C1GALT1: variants seen among roughly 807,000 people sequenced by gnomAD.
The protein encoded by C1GALT1 is core 1 synthase, glycoprotein-N-acetylgalactosamine 3-beta-galactosyltransferase 1.
Under a neutral mutation model 31.0 loss-of-function variants are expected in C1GALT1, and 11 were observed. That is an observed-to-expected ratio of 0.36 (90% confidence interval 0.22 to 0.59). The LOEUF is 0.59. Among genes scored for constraint, C1GALT1 ranks in the 20% least tolerant of loss-of-function variants. The probability of loss-of-function intolerance (pLI) is 0.79; values close to 1 mark genes in which losing one functional copy is unlikely to be tolerated. For missense variants in C1GALT1, 424 were observed against 425.2 expected (o/e 1.00, Z 0.03); for synonymous variants, 175 against 143.6 (o/e 1.22, Z -1.56).
chr7:7,209,465 T>C (rs1781893951), intron 1 of C1GALT1: 2 of 152,190 alleles, frequency 1.3e-5, no homozygotes, highest in African/African-American at 4.8e-5. Context: ...ATAGTGTTGA[T>C]AACCTGCACC....
rs114570360 is a variant in C1GALT1 at position 7,240,527 on chromosome 7, C to T, written c.888+1605C>T. On this transcript the variant is annotated intron_variant, in intron 3 of 3. Transcript: ENST00000436587. ...TTTCCTTAATTCTGTATCCTTTTCC[C>T]ATATAAAAAATTTACCCAAATTCAA... is the stretch of plus-strand genomic sequence containing the variant. Among the ~76,000 whole-genome samples the T allele has an allele frequency of 4.6e-3, 703 of 152,138 alleles. 7 individuals are homozygous for T. Among genetic ancestry groups the T allele is most frequent in the African/African-American group, 0.016 (677 of 41,516 alleles).
chr7:7,198,235 A>C (rs184139354), intron 1 of C1GALT1, among the ~76,000 whole-genome samples: 1 of 152,178 alleles, frequency 6.6e-6, no homozygotes, highest in Non-Finnish European at 1.5e-5. Flanking sequence ...GAGAGTTTTT[A>C]GCATGAAGGG....
intron 1 of C1GALT1, among the ~76,000 whole-genome samples, chr7:7,183,783 T>TA (rs1780697664): frequency 1.3e-5 from 2 of 150,988 alleles, no homozygotes; most frequent in South Asian, 4.2e-4. Flanking sequence ...CCATTGTACA[T>TA]ACTACTGTAT....
At chr7:7,228,072 G>C (rs187327104) in intron 1 of C1GALT1, among the ~76,000 whole-genome samples, 184 of 152,264 alleles carry the variant, frequency 1.2e-3, no homozygotes, top group Non-Finnish European at 2.0e-3. Context: ...ATACTAGTCC[G>C]TACTTTATAG....
chr7:7,229,387 G>A (rs911690677), intron 1 of C1GALT1, among the ~76,000 whole-genome samples: 1 of 152,038 alleles, frequency 6.6e-6, no homozygotes, highest in Non-Finnish European at 1.5e-5. Flanking sequence ...TGCTTCAATC[G>A]TATTCTGCTT....
chr7:7,192,382 A>T (rs190189641), intron 1 of C1GALT1, among the ~76,000 whole-genome samples: 1 of 152,230 alleles, frequency 6.6e-6, no homozygotes, highest in African/African-American at 2.4e-5. Flanking sequence ...ATGAGTGACA[A>T]CTTACAATGT....
At chr7:7,222,891 GGTAT>G in intron 1 of C1GALT1, among the ~76,000 whole-genome samples, 1 of 116,646 alleles carries the variant, frequency 8.6e-6, no homozygotes, top group East Asian at 2.9e-4. Context: ...CTGTATGACA[GGTAT>G]GTGAGTTTTT....
At chr7:7,193,968 T>G (rs777050360) in intron 1 of C1GALT1, among the ~76,000 whole-genome samples, 37 of 152,118 alleles carry the variant, frequency 2.4e-4, no homozygotes, top group Non-Finnish European at 4.9e-4. Context: ...TGATTTGATT[T>G]GCAGCTTGGT....
chr7:7,160,898 C>A (rs1045040426), intron 2 of C1GALT1, among the ~76,000 whole-genome samples: 2 of 151,722 alleles, frequency 1.3e-5, no homozygotes, highest in Non-Finnish European at 2.9e-5. Context: ...ACTATACACA[C>A]AAACACAGTA....
At chr7:7,207,678 C>T (rs1003625758) in intron 1 of C1GALT1, among the ~76,000 whole-genome samples, 1 of 151,298 alleles carries the variant, frequency 6.6e-6, no homozygotes, top group East Asian at 1.9e-4. Context: ...TTTTCTGTTT[C>T]TTTGTATACC....
intron 1 of C1GALT1, among the ~76,000 whole-genome samples, chr7:7,186,896 A>G (rs974466997): frequency 5.3e-5 from 8 of 152,248 alleles, no homozygotes; most frequent in Admixed American, 2.6e-4. Context: ...GATTGTGGGT[A>G]GATCCTTGTA....
At chr7:7,213,208 C>G (rs1782085552) in intron 1 of C1GALT1, among the ~76,000 whole-genome samples, 1 of 152,048 alleles carries the variant, frequency 6.6e-6, no homozygotes, top group Admixed American at 6.5e-5. Context: ...AGTTAAAGTC[C>G]TTAATATAGC....
At chr7:7,168,823 T>C (rs1055745461) in intron 2 of C1GALT1, among the ~76,000 whole-genome samples, 47 of 152,242 alleles carry the variant, frequency 3.1e-4, no homozygotes, top group African/African-American at 1.1e-3. Context: ...CAAAACACCG[T>C]AATTTAAAAA....
Position 7,245,788 on chromosome 7 carries a change from G to C in C1GALT1, c.*2061G>C, listed in dbSNP as rs867545734. The C allele has an allele frequency of 2.6e-5, 4 of 152,276 alleles. No individual in the cohort carries two copies. The South Asian group carries it at 8.3e-4, about 32-fold the overall frequency. 9.4% of individuals were successfully genotyped at this position (152,276 alleles called of 1,614,324 possible). ...GATTTGCTCATAGGAAATGAATATT[G>C]TGATGAATCCTGGGCTCTAGAGTCA... is the stretch of plus-strand genomic sequence containing the variant. On this transcript the variant is annotated 3_prime_UTR_variant, in exon 4 of 4. Transcript: ENST00000436587.
At chr7:7,178,242 A>T (rs1780526476), upstream of C1GALT1, 1 of 231,212 alleles carries the variant, frequency 4.3e-6, no homozygotes, top group South Asian at 7.8e-5. Context: ...AAATGTAGAC[A>T]GACCTGTTGG....
At chr7:7,208,001 G>A (rs1781827282) in intron 1 of C1GALT1, among the ~76,000 whole-genome samples, 1 of 152,090 alleles carries the variant, frequency 6.6e-6, no homozygotes, top group South Asian at 2.1e-4. Context: ...GAAATAAACA[G>A]TTCATAAGTT....
chr7:7,175,693 TGTAACAA>T (rs1011474030), intron 2 of C1GALT1, among the ~76,000 whole-genome samples: 10 of 152,338 alleles, frequency 6.6e-5, no homozygotes, highest in African/African-American at 2.4e-4. Context: ...CTTGGGCTAC[TGTAACAA>T]AATACCACAA....
intron 1 of C1GALT1, among the ~76,000 whole-genome samples, chr7:7,207,248 T>A (rs1452818558): frequency 2.0e-5 from 3 of 151,882 alleles, no homozygotes; most frequent in Non-Finnish European, 2.9e-5. Context: ...AGTGGATTTT[T>A]AATTTCATTT....
intron 2 of C1GALT1, among the ~76,000 whole-genome samples, chr7:7,171,164 C>T (rs1241291812): frequency 6.6e-6 from 1 of 152,066 alleles, no homozygotes; most frequent in African/African-American, 2.4e-5. Context: ...GACTTATCTT[C>T]TGTCTAGATA....
Sources: allele counts gnomAD v4.1 joint callset (sites outside exome capture counted in the v4.1 genomes callset), GRCh38; gene constraint gnomAD v4.1.1; transcripts MANE v1.5; gene names NCBI Gene and HGNC (gene_info 2026-07-23, HGNC 2026-07-21).